Variants in TMEM260 observed in about 807,000 individuals in gnomAD.
TMEM260 encodes the protein transmembrane protein 260.
TMEM260 carries 82 observed loss-of-function variants against 88.9 expected under a neutral mutation model. The observed-to-expected ratio is 0.92, with a 90% confidence interval of 0.77 to 1.11. The LOEUF (loss-of-function observed/expected upper bound fraction) is 1.11. Ranked by LOEUF, TMEM260 falls within the 50% of genes least tolerant of loss-of-function variation. The pLI is 0.00. For missense variants in TMEM260, 902 were observed against 853.4 expected (o/e 1.06, Z -0.71); for synonymous variants, 314 against 309.3 (o/e 1.02, Z -0.16).
intron 3 of TMEM260, among the ~76,000 whole-genome samples, chr14:56,600,825 C>T (rs1886529579): frequency 6.6e-6 from 1 of 152,220 alleles, no homozygotes; most frequent in Non-Finnish European, 1.5e-5. Context: ...CAGGCAAGTT[C>T]ATCTGATGCT....
At chr14:56,606,918 A>C (rs1353591953) in intron 5 of TMEM260, among the ~76,000 whole-genome samples, 1 of 152,148 alleles carries the variant, frequency 6.6e-6, no homozygotes. Context: ...AAATAAATAA[A>C]TAATAAGTAA....
At chr14:56,624,810 T>G (rs1247027078) in intron 11 of TMEM260, among the ~76,000 whole-genome samples, 3 of 150,972 alleles carry the variant, frequency 2.0e-5, no homozygotes, top group Non-Finnish European at 2.9e-5. Context: ...GTTCTCTAGG[T>G]CAGTGGTCCC....
At chr14:56,611,831 C>T (rs941943284) in intron 6 of TMEM260, among the ~76,000 whole-genome samples, 12 of 152,040 alleles carry the variant, frequency 7.9e-5, no homozygotes, top group Non-Finnish European at 1.5e-4. Flanking sequence ...TAATGTGATA[C>T]ATATACACCA....
intron 3 of TMEM260, among the ~76,000 whole-genome samples, chr14:56,596,406 G>GTGTGTATA (rs1290307932): frequency 1.3e-4 from 15 of 111,324 alleles, no homozygotes; most frequent in Middle Eastern, 4.2e-3. Context: ...GTGTGTGTGT[G>GTGTGTATA]TATATATATA....
chr14:56,579,944 G>C lies in TMEM260; in HGVS notation c.30G>C (p.Gln10His), dbSNP rs570577303. 1 of 1,237,442 alleles carries C rather than the reference G, an allele frequency of 8.1e-7. No individual in the cohort carries two copies. Among genetic ancestry groups the C allele is most frequent in the East Asian group, 3.2e-5 (1 of 31,728 alleles). The allele number at this position is 1,237,442 out of a possible 1,614,324, so 76.7% of individuals were successfully genotyped here. A position where few individuals can be genotyped will look rare whatever the true frequency, so the allele number is the denominator to read the frequency against. MSPHGDGRG[Q>H]AQGRAVRVGL... ...GTCCCCATGGCGACGGCAGGGGCCAGGCCCAGGGGCGGGCAGTCCGAGTGG... is the reference window on the plus strand; with the variant it reads ...GTCCCCATGGCGACGGCAGGGGCCACGCCCAGGGGCGGGCAGTCCGAGTGG... Residue 10 changes from glutamine (Q) to histidine (H), a missense_variant, in exon 1 of 16, where the codon CAG (glutamine) becomes CAC (histidine). Gln to His is a conservative substitution (Grantham distance 24). Transcript: ENST00000261556.
chr14:56,646,277 GATA>G (rs3067811), intron 15 of TMEM260, among the ~76,000 whole-genome samples: 422 of 152,316 alleles, frequency 2.8e-3, no homozygotes, highest in African/African-American at 9.4e-3. Context: ...TGGAAAAATA[GATA>G]ATATGATTGG....
intron 8 of TMEM260, among the ~76,000 whole-genome samples, chr14:56,616,830 C>T (rs1428778515): frequency 6.6e-6 from 1 of 152,076 alleles, no homozygotes; most frequent in African/African-American, 2.4e-5. Flanking sequence ...TGTCATACCA[C>T]TGCACACCAA....
At chr14:56,644,654 G>T (rs1889832533) in intron 15 of TMEM260, among the ~76,000 whole-genome samples, 1 of 152,138 alleles carries the variant, frequency 6.6e-6, no homozygotes, top group Non-Finnish European at 1.5e-5. Context: ...TGACAAATGG[G>T]ATCTAATTAA....
intron 13 of TMEM260, among the ~76,000 whole-genome samples, chr14:56,634,195 C>T (rs1450014568): frequency 6.6e-6 from 1 of 152,158 alleles, no homozygotes; most frequent in African/African-American, 2.4e-5. Flanking sequence ...TTTTCCAAGC[C>T]AGGAGTCCCC....
intron 3 of TMEM260, among the ~76,000 whole-genome samples, chr14:56,587,292 T>C (rs966745611): frequency 6.6e-6 from 1 of 151,962 alleles, no homozygotes; most frequent in Non-Finnish European, 1.5e-5. Flanking sequence ...TATATTTAAA[T>C]GTTATATAGC....
intron 12 of TMEM260, among the ~76,000 whole-genome samples, chr14:56,631,837 C>CGTTTCAGG (rs1888629525): frequency 6.6e-6 from 1 of 152,142 alleles, no homozygotes; most frequent in Non-Finnish European, 1.5e-5. Flanking sequence ...TTCTATCTAT[C>CGTTTCAGG]TGTTGGGAAA....
rs967215557 is a variant in TMEM260 at position 56,610,357 on chromosome 14, C to T, written c.816+1072C>T. ...CCGGGTTCACGCCATTCTGCTGCCT[C>T]AGCCTCCCCAGCAGCTGGGACTACA... On this transcript the variant is annotated intron_variant, in intron 6 of 15. Transcript: ENST00000261556. Among the ~76,000 whole-genome samples the T allele has an allele frequency of 1.3e-5, 2 of 152,178 alleles. 1 individual carries two copies. Among genetic ancestry groups the T allele is most frequent in the Non-Finnish European group, 2.9e-5 (2 of 68,038 alleles).
chr14:56,603,115 T>C (rs564967340), intron 3 of TMEM260, among the ~76,000 whole-genome samples: 2 of 152,314 alleles, frequency 1.3e-5, no homozygotes, highest in South Asian at 4.1e-4. Context: ...TTGTTTTAAA[T>C]GGTATGGGTT....
chr14:56,647,186 GAAAA>G, intron 15 of TMEM260, 53 bp from the exon 16 acceptor site: 5 of 1,160,784 alleles, frequency 4.3e-6, no homozygotes, highest in Middle Eastern at 2.2e-4. Context: ...TTTTGTTTTT[GAAAA>G]AAAAAAAGTC....
At chr14:56,662,914 G>C in the TMEM260 span, among the ~76,000 whole-genome samples, 5 of 152,250 alleles carry the variant, frequency 3.3e-5, no homozygotes, top group East Asian at 9.7e-4. Context: ...GATCAGCTGA[G>C]GTTGGGAGTT....
At chr14:56,579,711 C>G (rs914814575), upstream of TMEM260, 2 of 409,822 alleles carry the variant, frequency 4.9e-6, no homozygotes, top group Non-Finnish European at 8.4e-6. Context: ...TGCGGGAAAA[C>G]TCGCAGGGCC....
At chr14:56,651,413 T>C (rs372140104), downstream of TMEM260, among the ~76,000 whole-genome samples, 5 of 152,074 alleles carry the variant, frequency 3.3e-5, no homozygotes, top group African/African-American at 1.2e-4. Flanking sequence ...TCATGCCATA[T>C]TGGAAAACAA....
At chr14:56,662,162 T>C in the TMEM260 span, among the ~76,000 whole-genome samples, 3 of 152,366 alleles carry the variant, frequency 2.0e-5, no homozygotes, top group East Asian at 5.8e-4. Flanking sequence ...AAATCTTGTC[T>C]GTCTTCTCAG....
At chr14:56,650,187 G>A, downstream of TMEM260, 1 of 417,048 alleles carries the variant, frequency 2.4e-6, no homozygotes, top group Non-Finnish European at 4.7e-6. Context: ...TTCTAGCAGT[G>A]TCCCGGGAGT....
Sources: allele counts gnomAD v4.1 joint callset (sites outside exome capture counted in the v4.1 genomes callset), GRCh38; gene constraint gnomAD v4.1.1; transcripts MANE v1.5; gene names NCBI Gene and HGNC (gene_info 2026-07-23, HGNC 2026-07-21).